The following CCSER1 variants were observed in gnomAD, a reference collection of about 807,000 sequenced individuals.
CCSER1 encodes the protein coiled-coil serine rich protein 1.
In CCSER1, 41 loss-of-function variants were observed where a neutral mutation model predicts 82.0. The ratio of observed to expected loss-of-function variants is 0.50; its 90% CI spans 0.39 to 0.65. The LOEUF is 0.65. Among genes scored for constraint, CCSER1 ranks in the 30% least tolerant of loss-of-function variants. CCSER1 has a pLI of 0.00. For missense variants in CCSER1, 1,119 were observed against 1,064.2 expected, an observed-to-expected ratio of 1.05 and a Z score of -0.72; for synonymous variants, 414 against 383.9, an observed-to-expected ratio of 1.08 and a Z score of -0.92.
chr4:91,529,454 ATTGG>A (rs1257839254), intron 10 of CCSER1, among the ~76,000 whole-genome samples: 2 of 152,034 alleles, frequency 1.3e-5, no homozygotes, highest in Non-Finnish European at 2.9e-5. Flanking sequence ...AATTAATTTA[ATTGG>A]TTTGCTTTCA....
At chr4:91,042,477 AT>A (rs1742049093) in intron 9 of CCSER1, among the ~76,000 whole-genome samples, 2 of 152,232 alleles carry the variant, frequency 1.3e-5, no homozygotes, top group African/African-American at 4.8e-5. Context: ...TTTACAAAGT[AT>A]TTTTTAAGGG....
At chr4:90,698,599 A>G (rs2149264969) in intron 6 of CCSER1, among the ~76,000 whole-genome samples, 1 of 152,270 alleles carries the variant, frequency 6.6e-6, no homozygotes, top group East Asian at 1.9e-4. Flanking sequence ...GATATAAATG[A>G]TCCAACTATG....
intron 9 of CCSER1, among the ~76,000 whole-genome samples, chr4:90,948,584 AT>A (rs1375730670): frequency 3.3e-5 from 5 of 152,044 alleles, no homozygotes; most frequent in African/African-American, 1.2e-4. Flanking sequence ...TAATACACAG[AT>A]TATGAGAATA....
At chr4:90,610,475 TCATA>T (rs1488063097) in intron 5 of CCSER1, among the ~76,000 whole-genome samples, 1 of 152,076 alleles carries the variant, frequency 6.6e-6, no homozygotes, top group Non-Finnish European at 1.5e-5. Context: ...TTAAACGTAT[TCATA>T]CACGTATAAA....
intron 8 of CCSER1, among the ~76,000 whole-genome samples, chr4:90,914,725 A>G (rs1384023713): frequency 6.6e-6 from 1 of 151,846 alleles, no homozygotes; most frequent in Non-Finnish European, 1.5e-5. Context: ...GAAAAAAAAA[A>G]AAAACTTTTT....
At chr4:91,184,937 A>C (rs1734384741) in intron 10 of CCSER1, among the ~76,000 whole-genome samples, 1 of 152,218 alleles carries the variant, frequency 6.6e-6, no homozygotes, top group African/African-American at 2.4e-5. Flanking sequence ...TAATTGGTTG[A>C]ATAGTACCAG....
chr4:90,816,298 GTTAA>G (rs1381604913), intron 8 of CCSER1, among the ~76,000 whole-genome samples: 7 of 152,086 alleles, frequency 4.6e-5, no homozygotes, highest in Admixed American at 1.3e-4. Flanking sequence ...GAGACTTCTT[GTTAA>G]TTTATTATAT....
chr4:90,158,288 G>A (rs141143278), intron 1 of CCSER1, among the ~76,000 whole-genome samples: 1 of 151,638 alleles, frequency 6.6e-6, no homozygotes, highest in African/African-American at 2.4e-5. Context: ...TACCCCTACT[G>A]GGGGGTGCCT....
intron 10 of CCSER1, among the ~76,000 whole-genome samples, chr4:91,392,674 G>T (rs971869208): frequency 6.6e-6 from 1 of 151,948 alleles, no homozygotes; most frequent in Non-Finnish European, 1.5e-5. Flanking sequence ...CACATTTTTT[G>T]AATAGTAGTT....
chr4:90,391,457 T>TATAC (rs1189535140), intron 3 of CCSER1, among the ~76,000 whole-genome samples: 2 of 82,016 alleles, frequency 2.4e-5, no homozygotes, highest in Non-Finnish European at 4.4e-5. Context: ...TATATATATA[T>TATAC]ATATATATAT....
At chr4:90,787,087 G>A (rs995368508) in intron 7 of CCSER1, among the ~76,000 whole-genome samples, 1 of 152,116 alleles carries the variant, frequency 6.6e-6, no homozygotes, top group African/African-American at 2.4e-5. Context: ...TGCCCACCCT[G>A]GGCACGCCTC....
intron 4 of CCSER1, among the ~76,000 whole-genome samples, chr4:90,411,898 T>G (rs1754905136): frequency 6.6e-6 from 1 of 152,100 alleles, no homozygotes; most frequent in Non-Finnish European, 1.5e-5. Context: ...AAAATCTCCT[T>G]AAGCTGATAA....
At chr4:90,587,907 A>C (rs1236294280) in intron 5 of CCSER1, among the ~76,000 whole-genome samples, 1 of 152,216 alleles carries the variant, frequency 6.6e-6, no homozygotes, top group African/African-American at 2.4e-5. Context: ...AATCAAGTGA[A>C]TATCACAGTA....
At chr4:90,837,263 T>A (rs1761922240) in intron 8 of CCSER1, among the ~76,000 whole-genome samples, 1 of 152,130 alleles carries the variant, frequency 6.6e-6, no homozygotes, top group South Asian at 2.1e-4. Flanking sequence ...TTTAACAAAG[T>A]TAACAAAAAA....
chr4:91,102,445 T>C (rs1243110651), intron 10 of CCSER1, among the ~76,000 whole-genome samples: 1 of 152,216 alleles, frequency 6.6e-6, no homozygotes, highest in Non-Finnish European at 1.5e-5. Context: ...TTATGTCTTT[T>C]CTTTTTAATC....
At chr4:90,994,084 G>A (rs755144327) in intron 9 of CCSER1, among the ~76,000 whole-genome samples, 10 of 151,820 alleles carry the variant, frequency 6.6e-5, no homozygotes, top group Admixed American at 2.6e-4. Context: ...ACGTAGTCCC[G>A]GCTATTTGAG....
chr4:90,160,128 G>A (rs55924200), intron 1 of CCSER1, among the ~76,000 whole-genome samples: 47,447 of 152,058 alleles, frequency 0.31, 8,696 homozygotes, highest in East Asian at 0.65. Flanking sequence ...TAACTCCATA[G>A]TAGTTGTTGC....
At chr4:90,865,295 A>G (rs1765592372) in intron 8 of CCSER1, among the ~76,000 whole-genome samples, 1 of 152,078 alleles carries the variant, frequency 6.6e-6, no homozygotes. Context: ...ATCAAGAATG[A>G]GGAAGATAAT....
chr4:90,936,310 T>G (rs1158769476), intron 9 of CCSER1, among the ~76,000 whole-genome samples: 1 of 151,716 alleles, frequency 6.6e-6, no homozygotes, highest in Non-Finnish European at 1.5e-5. Context: ...TTTTCCTAGT[T>G]TATAATATCC....
Sources: gnomAD v4.1 joint callset for allele counts (sites outside exome capture counted in the v4.1 genomes callset) on GRCh38, gnomAD v4.1.1 for gene constraint, MANE v1.5 for transcripts, NCBI Gene and HGNC (gene_info 2026-07-23, HGNC 2026-07-21) for gene names.